Variants in COL26A1 observed in about 807,000 individuals in gnomAD.
The protein encoded by COL26A1 is collagen type XXVI alpha 1 chain.
COL26A1 carries 41 observed loss-of-function variants against 59.3 expected under a neutral mutation model. The observed-to-expected ratio is 0.69, with a 90% CI of 0.54 to 0.90. The LOEUF is 0.90. COL26A1 is among the 40% of genes least tolerant of loss of function. The probability of loss-of-function intolerance (pLI) is 0.00; values close to 1 mark genes in which losing one functional copy is unlikely to be tolerated. For synonymous variants in COL26A1, 266 were observed against 256.0 expected (o/e 1.04, Z -0.37); for missense variants, 612 against 602.3 (o/e 1.02, Z -0.17).
intron 3 of COL26A1, among the ~76,000 whole-genome samples, chr7:101,452,107 C>T (rs903347366): frequency 1.1e-4 from 17 of 152,178 alleles, no homozygotes; most frequent in African/African-American, 4.1e-4. Flanking sequence ...TGACATTCTC[C>T]TGGGGTGTCA....
chr7:101,523,577 T>G (rs141506947), intron 3 of COL26A1, among the ~76,000 whole-genome samples: 2 of 152,282 alleles, frequency 1.3e-5, no homozygotes, highest in Admixed American at 6.5e-5. Context: ...GGAGTCAGAT[T>G]CTTTTACTTT....
chr7:101,371,308 G>A (rs59269781), intron 1 of COL26A1, among the ~76,000 whole-genome samples: 6,273 of 152,180 alleles, frequency 0.041, 250 homozygotes, highest in African/African-American at 0.093. Context: ...GCATGCCTCT[G>A]CAGTGTTGGA....
rs576660504 is a variant in COL26A1 at position 101,363,765 on chromosome 7, G to A, written c.158+575G>A. 2.0e-3 allele frequency among the ~76,000 whole-genome samples: 307 copies of A among 152,214 alleles called. 1 individual carries two copies. Among genetic ancestry groups the A allele is most frequent in the South Asian group, 4.4e-3 (21 of 4,820 alleles). The stretch of plus-strand genomic sequence containing the variant: ...GCTCCGAGTAGAGGTGGTTCCGACC[G>A]CCGTGGCTGGGGCTGGGGCTCTGCC... On this transcript the variant is annotated intron_variant, in intron 1 of 12. Transcript: ENST00000313669.
At chr7:101,522,358 G>C (rs1795156397) in intron 3 of COL26A1, among the ~76,000 whole-genome samples, 1 of 152,142 alleles carries the variant, frequency 6.6e-6, no homozygotes. Flanking sequence ...GTCTCAGTCT[G>C]TTTTGTGCTA....
intron 3 of COL26A1, among the ~76,000 whole-genome samples, chr7:101,491,634 A>T (rs1417112015): frequency 6.6e-6 from 1 of 152,162 alleles, no homozygotes; most frequent in Non-Finnish European, 1.5e-5. Flanking sequence ...TTTAGACCAT[A>T]TAGGGTAACT....
chr7:101,409,380 G>C (rs1355918462), intron 1 of COL26A1, among the ~76,000 whole-genome samples: 2 of 152,178 alleles, frequency 1.3e-5, no homozygotes, highest in Non-Finnish European at 2.9e-5. Context: ...TGAGTTTCAA[G>C]GCATAAATTT....
At position 101,547,237 on chromosome 7, in the gene COL26A1, C is replaced by T. The variant is rs1196085124; in HGVS notation, c.938C>T (p.Pro313Leu). 6.4e-7 allele frequency: 1 copy of T among 1,574,770 alleles called. No individual in the cohort carries two copies. The highest frequency in any genetic ancestry group is 8.6e-7 in the Non-Finnish European group (1 of 1,161,076). Reference sequence around the variant, plus strand: ...GGACCCCGGGGTCCCCCTGGTCCACCAGGTAAGTGAATGGTGGGCTGGCCT... The same window carrying T: ...GGACCCCGGGGTCCCCCTGGTCCACTAGGTAAGTGAATGGTGGGCTGGCCT... ...VPGPRGPPGP[P>L]GPPGPRGPPG... The change falls in exon 8 of 13, where the codon CCA becomes CTA. Residue 313 changes from proline (P) to leucine (L), a missense_variant and splice_region_variant. Pro to Leu is a moderately conservative substitution (Grantham distance 98, BLOSUM62 -3). Coordinates refer to ENST00000313669, the MANE Select transcript of COL26A1 (RefSeq NM_001278563.3).
chr7:101,472,991 A>G (rs976946731), intron 3 of COL26A1, among the ~76,000 whole-genome samples: 16 of 152,222 alleles, frequency 1.1e-4, no homozygotes, highest in African/African-American at 3.1e-4. Flanking sequence ...TGCTTCTCTT[A>G]CAGGCTTGGA....
rs533427835 is a variant in COL26A1, at chr7:101,445,588, C to T, written c.282-2096C>T. ...CTGCTAAAAATACAAAAAAATTGGC[C>T]GGGCGTGGTGGCGGGCGCCTGTAGT... On this transcript the variant is annotated intron_variant, in intron 2 of 12. Coordinates refer to ENST00000313669, the MANE Select transcript of COL26A1 (RefSeq NM_001278563.3). 5.4e-5 allele frequency among the ~76,000 whole-genome samples: 8 copies of T among 148,756 alleles called. No individual in the cohort carries two copies. The East Asian group carries it at 6.0e-4, about 11-fold the overall frequency.
At chr7:101,408,968 G>A (rs1396384259) in intron 1 of COL26A1, among the ~76,000 whole-genome samples, 4 of 152,254 alleles carry the variant, frequency 2.6e-5, no homozygotes, top group East Asian at 1.9e-4. Flanking sequence ...TCGTCTGGCT[G>A]TTTAGCAAAG....
Position 101,487,072 on chromosome 7 carries a change from A to C in COL26A1, c.385+39285A>C, listed in dbSNP as rs181755574. ...GCCAGGGGTGCTGGTGGAGACAGAC[A>C]GGGAAGCTGGGAAGATGCAGGGCGG... On this transcript the variant is annotated intron_variant, in intron 3 of 12. Coordinates refer to ENST00000313669, the MANE Select transcript of COL26A1 (RefSeq NM_001278563.3). Among the ~76,000 whole-genome samples the C allele has an allele frequency of 3.6e-3, 543 of 152,244 alleles. 2 individuals carry two copies. The highest frequency in any genetic ancestry group is 0.012 in the African/African-American group (500 of 41,564).
intron 1 of COL26A1, among the ~76,000 whole-genome samples, chr7:101,417,935 G>A (rs1285491597): frequency 6.6e-6 from 1 of 151,910 alleles, no homozygotes; most frequent in Non-Finnish European, 1.5e-5. Context: ...ATGTTGGCCA[G>A]GCTGGTCTCG....
Position 101,472,162 on chromosome 7 carries a change from G to A in COL26A1, c.385+24375G>A, listed in dbSNP as rs145901289. Among the ~76,000 whole-genome samples the A allele has an allele frequency of 9.9e-5, 15 of 151,982 alleles. No individual in the cohort carries two copies. The South Asian group carries it at 1.0e-3, about 11-fold the overall frequency. On this transcript the variant is annotated intron_variant, in intron 3 of 12. Transcript: ENST00000313669. ...TAAGACTATAGGCATGCGCCATCAC[G>A]CCTGGCCAGTTTCCAAATTTGTTTA...
At chr7:101,380,061 G>A (rs1046222778) in intron 1 of COL26A1, among the ~76,000 whole-genome samples, 3 of 152,052 alleles carry the variant, frequency 2.0e-5, no homozygotes, top group African/African-American at 4.8e-5. Context: ...GTGCGATCTC[G>A]GCTCACTGCA....
chr7:101,409,475 G>A (rs1192328783), intron 1 of COL26A1, among the ~76,000 whole-genome samples: 2 of 152,182 alleles, frequency 1.3e-5, no homozygotes, highest in Admixed American at 6.5e-5. Flanking sequence ...TGAGAAGACC[G>A]AACAGAAGAA....
At chr7:101,388,310 T>C (rs535130557) in intron 1 of COL26A1, among the ~76,000 whole-genome samples, 7 of 151,514 alleles carry the variant, frequency 4.6e-5, no homozygotes, top group African/African-American at 1.7e-4. Context: ...CTGTCTCCAC[T>C]AAAAATACAA....
intron 2 of COL26A1, among the ~76,000 whole-genome samples, chr7:101,446,439 G>T (rs1464919762): frequency 6.6e-6 from 1 of 152,198 alleles, no homozygotes; most frequent in African/African-American, 2.4e-5. Flanking sequence ...TTAGATCACA[G>T]CTGATACAGA....
chr7:101,425,805 C>A (rs1792632729), intron 2 of COL26A1, among the ~76,000 whole-genome samples: 1 of 150,546 alleles, frequency 6.6e-6, no homozygotes, highest in Non-Finnish European at 1.5e-5. Context: ...CCATGCCCGG[C>A]CCCCAGTGCT....
intron 1 of COL26A1, among the ~76,000 whole-genome samples, chr7:101,392,857 G>A (rs1004585734): frequency 2.0e-5 from 3 of 152,128 alleles, no homozygotes; most frequent in Non-Finnish European, 2.9e-5. Context: ...GGCTTGCCAC[G>A]GGTGGGACGC....
Sources: allele counts gnomAD v4.1 joint callset (sites outside exome capture counted in the v4.1 genomes callset), GRCh38; gene constraint gnomAD v4.1.1; transcripts MANE v1.5; gene names NCBI Gene and HGNC (gene_info 2026-07-23, HGNC 2026-07-21).